Variants in NME7 observed in about 807,000 individuals in gnomAD.
NME7 encodes NME/NM23 family member 7, also known as nucleoside diphosphate kinase 7.
A neutral mutation model predicts 49.1 loss-of-function variants in NME7; 41 were observed. The ratio of observed to expected loss-of-function variants is 0.83; its 90% CI spans 0.65 to 1.08. The LOEUF is 1.08. NME7 is among the 50% of genes least tolerant of loss of function. The pLI is 0.00. For missense variants in NME7, 423 were observed against 463.4 expected, an observed-to-expected ratio of 0.91 and a Z score of 0.80; for synonymous variants, 139 against 150.6, an observed-to-expected ratio of 0.92 and a Z score of 0.56.
chr1:169,331,991 C>CA (rs1286830639), intron 1 of NME7, among the ~76,000 whole-genome samples: 1 of 151,924 alleles, frequency 6.6e-6, no homozygotes, highest in Non-Finnish European at 1.5e-5. Flanking sequence ...TATGGAACCA[C>CA]AAAAAACTCA....
chr1:169,147,604 A>T (rs192063779), intron 11 of NME7, among the ~76,000 whole-genome samples: 3 of 146,766 alleles, frequency 2.0e-5, no homozygotes, highest in Non-Finnish European at 4.5e-5. Flanking sequence ...CCTACCATAT[A>T]CATAAAAATA....
At chr1:169,329,196 G>C (rs190236356) in intron 1 of NME7, among the ~76,000 whole-genome samples, 1 of 150,920 alleles carries the variant, frequency 6.6e-6, no homozygotes, top group African/African-American at 2.5e-5. Flanking sequence ...AAAAAAATCT[G>C]ATCTAATTTT....
At chr1:169,314,216 T>C (rs1235525797) in intron 3 of NME7, among the ~76,000 whole-genome samples, 1 of 151,370 alleles carries the variant, frequency 6.6e-6, no homozygotes, top group Non-Finnish European at 1.5e-5. Flanking sequence ...AAATGAATAC[T>C]CATTACATAA....
intron 7 of NME7, among the ~76,000 whole-genome samples, chr1:169,253,815 G>A (rs968114871): frequency 2.0e-5 from 3 of 151,452 alleles, no homozygotes; most frequent in Non-Finnish European, 4.4e-5. Flanking sequence ...CATCTATTGA[G>A]ATAATCATGT....
rs1660102304 is a variant in NME7, at chr1:169,187,559, G to A, written c.991-18005C>T. On this transcript the variant is annotated intron_variant, in intron 10 of 11. Coordinates refer to ENST00000367811, the MANE Select transcript of NME7 (RefSeq NM_013330.5). ...TAAAGTCTGTTTTATCAGAGACTAGGATTGCGAACCCTGCTTTTTTATTTT... is the reference window on the plus strand; with the variant it reads ...TAAAGTCTGTTTTATCAGAGACTAGAATTGCGAACCCTGCTTTTTTATTTT... Among the ~76,000 whole-genome samples the A allele has an allele frequency of 2.0e-5, 3 of 152,032 alleles. No individual in the cohort carries two copies. The South Asian group carries it at 6.2e-4, about 32-fold the overall frequency.
chr1:169,219,501 TAC>T (rs1661075472), intron 10 of NME7, among the ~76,000 whole-genome samples: 1 of 152,314 alleles, frequency 6.6e-6, no homozygotes, highest in East Asian at 1.9e-4. Flanking sequence ...GCCCCCAAGA[TAC>T]CAGAGGATGG....
chr1:169,276,680 A>C (rs1649744267), intron 7 of NME7, among the ~76,000 whole-genome samples: 1 of 131,424 alleles, frequency 7.6e-6, no homozygotes, highest in South Asian at 2.4e-4. Flanking sequence ...TTTGGTCTCT[A>C]TTTCCTTCAG....
At chr1:169,209,484 C>T (rs1338373809) in intron 10 of NME7, among the ~76,000 whole-genome samples, 1 of 152,006 alleles carries the variant, frequency 6.6e-6, no homozygotes, top group Non-Finnish European at 1.5e-5. Flanking sequence ...CTTGCTTGTG[C>T]CCATGTCCAA....
At chr1:169,216,914 T>TTTTTTG (rs1461061781) in intron 10 of NME7, among the ~76,000 whole-genome samples, 1 of 152,222 alleles carries the variant, frequency 6.6e-6, no homozygotes, top group Non-Finnish European at 1.5e-5. Context: ...ATAACAGATT[T>TTTTTTG]TTTTTGTTTT....
chr1:169,136,172 A>T (rs1658424035), intron 11 of NME7, among the ~76,000 whole-genome samples: 1 of 152,148 alleles, frequency 6.6e-6, no homozygotes, highest in Non-Finnish European at 1.5e-5. Flanking sequence ...TGCTTCAAGG[A>T]GTATGGAACA....
At chr1:169,152,091 T>C (rs1037122691) in intron 11 of NME7, among the ~76,000 whole-genome samples, 10 of 152,188 alleles carry the variant, frequency 6.6e-5, no homozygotes, top group Admixed American at 3.3e-4. Flanking sequence ...AGCTGGGATA[T>C]CATTTATAAA....
At chr1:169,348,772 G>A (rs1245966396) in intron 1 of NME7, among the ~76,000 whole-genome samples, 1 of 151,590 alleles carries the variant, frequency 6.6e-6, no homozygotes, top group East Asian at 1.9e-4. Context: ...CCCTAGTCAA[G>A]TATCAAAATA....
intron 4 of NME7, chr1:169,303,536 C>T (rs919796861): frequency 1.3e-5 from 2 of 157,882 alleles, no homozygotes; most frequent in African/African-American, 4.9e-5. Context: ...GCTACAACCT[C>T]CACCTCCTGG....
chr1:169,235,213 TAAAAC>T lies in NME7; in HGVS notation c.820-19_820-15del, dbSNP rs1272566982. On this transcript the variant is annotated splice_polypyrimidine_tract_variant and intron_variant, in intron 8 of 11. Transcript: ENST00000367811. The stretch of plus-strand genomic sequence containing the variant: ...ATCCATATTGAACTATATTAAAAAA[TAAAAC>T]AAAACAAAACCATAAACCAACCAAC... 12 of 1,453,202 alleles carry T rather than the reference TAAAAC, an allele frequency of 8.3e-6. No homozygotes were observed. The highest frequency in any genetic ancestry group is 2.9e-5 in the African/African-American group (2 of 70,052). 90.0% of individuals were successfully genotyped at this position (1,453,202 alleles called of 1,614,324 possible). A position where few individuals can be genotyped will look rare whatever the true frequency, so the allele number is the denominator to read the frequency against.
At chr1:169,258,277 G>C (rs1475116976) in intron 7 of NME7, among the ~76,000 whole-genome samples, 2 of 124,996 alleles carry the variant, frequency 1.6e-5, no homozygotes, top group Non-Finnish European at 3.7e-5. Context: ...AGGAGGTTGT[G>C]GTTGAGGTTC....
intron 7 of NME7, among the ~76,000 whole-genome samples, chr1:169,253,652 G>A (rs946406712): frequency 2.0e-5 from 3 of 152,270 alleles, no homozygotes; most frequent in Non-Finnish European, 2.9e-5. Flanking sequence ...GTTTTCAAAC[G>A]GAATGCTTCT....
At position 169,262,849 on chromosome 1, in the gene NME7, CA is replaced by C. The variant is rs1166484686; in HGVS notation, c.754+24453del. Among the ~76,000 whole-genome samples, 2 of 133,920 alleles carry C rather than the reference CA, an allele frequency of 1.5e-5. 1 individual carries two copies. Among genetic ancestry groups the C allele is most frequent in the Non-Finnish European group, 3.5e-5 (2 of 56,920 alleles). The allele number at this position is 133,920 out of a possible 152,430, so 87.9% of individuals were successfully genotyped here. A position where few individuals can be genotyped will look rare whatever the true frequency, so the allele number is the denominator to read the frequency against. ...TGCAGAGGCAACTCCCATGTCCCCC[CA>C]GGAAGCACACAGATAGTAGATTAGG... is the stretch of plus-strand genomic sequence containing the variant. On this transcript the variant is annotated intron_variant, in intron 7 of 11. Coordinates refer to ENST00000367811, the MANE Select transcript of NME7 (RefSeq NM_013330.5).
intron 7 of NME7, among the ~76,000 whole-genome samples, chr1:169,255,616 C>T (rs1648893500): frequency 7.9e-6 from 1 of 126,344 alleles, no homozygotes; most frequent in Admixed American, 7.7e-5. Flanking sequence ...ATGATGTTAG[C>T]TGGTTATTTT....
intron 6 of NME7, among the ~76,000 whole-genome samples, chr1:169,298,223 T>G (rs1351868037): frequency 6.6e-6 from 1 of 152,218 alleles, no homozygotes; most frequent in Admixed American, 6.5e-5. Flanking sequence ...TATATCTTCT[T>G]TTTAATATCT....
Sources: allele counts gnomAD v4.1 joint callset (sites outside exome capture counted in the v4.1 genomes callset), GRCh38; gene constraint gnomAD v4.1.1; transcripts MANE v1.5; gene names NCBI Gene and HGNC (gene_info 2026-07-23, HGNC 2026-07-21).